Variants in TMC5 observed in about 807,000 individuals in gnomAD.
The protein encoded by TMC5 is transmembrane channel-like protein 5.
Under a neutral mutation model 110.5 loss-of-function variants are expected in TMC5, and 86 were observed. The observed-to-expected ratio is 0.78, with a 90% CI of 0.65 to 0.93. The LOEUF is 0.93. TMC5 is among the 40% of genes least tolerant of loss of function. TMC5 has a pLI of 0.00. For missense variants in TMC5, 1,144 were observed against 1,222.8 expected, an observed-to-expected ratio of 0.94 and a Z score of 0.96; for synonymous variants, 455 against 439.5, an observed-to-expected ratio of 1.04 and a Z score of -0.44.
intron 1 of TMC5, among the ~76,000 whole-genome samples, chr16:19,424,297 A>G (rs1484591062): frequency 1.3e-5 from 2 of 152,228 alleles, no homozygotes; most frequent in East Asian, 3.8e-4. Context: ...CTGTAAACCT[A>G]TAAACCATAT....
Position 19,440,610 on chromosome 16 carries a change from C to T in TMC5, c.572C>T (p.Thr191Ile). ...HPGSRKNLEH[T>I]SFRINPYADS... ...GGATCCAGAAAGAATCTGGAACATA[C>T]AAGTTTTAGAATCAATCCATACGCA... is the stretch of plus-strand genomic sequence containing the variant. The change falls in exon 3 of 22, where the codon ACA becomes ATA. Residue 191 changes from threonine (T) to isoleucine (I), a missense_variant. Transcript: ENST00000542583. 6.2e-7 allele frequency: 1 copy of T among 1,614,200 alleles called. No individual in the cohort carries two copies. Among genetic ancestry groups the T allele is most frequent in the Non-Finnish European group, 8.5e-7 (1 of 1,180,044 alleles).
intron 17 of TMC5, 36 bp downstream of exon 17, chr16:19,487,362 C>T (rs1968771821): frequency 6.2e-7 from 1 of 1,600,736 alleles, no homozygotes; most frequent in East Asian, 2.2e-5. Flanking sequence ...GTTTTAGAGA[C>T]TGGGTGGATG....
chr16:19,442,505 T>G (rs1967512453), intron 3 of TMC5, among the ~76,000 whole-genome samples: 1 of 151,856 alleles, frequency 6.6e-6, no homozygotes. Flanking sequence ...GTTTTTGTAG[T>G]TTTAGTACAG....
Position 19,498,637 on chromosome 16 carries a change from A to T in TMC5, c.*671A>T, listed in dbSNP as rs563930449. The T allele has an allele frequency of 6.6e-6, 1 of 152,148 alleles. No individual in the cohort carries two copies. Among genetic ancestry groups the T allele is most frequent in the African/African-American group, 2.4e-5 (1 of 41,416 alleles). The allele number at this position is 152,148 out of a possible 1,614,324, so 9.4% of individuals were successfully genotyped here. A position where few individuals can be genotyped will look rare whatever the true frequency, so the allele number is the denominator to read the frequency against. Reference sequence around the variant, plus strand: ...CTTTGCAGTGGCAGTACCGTAGCCAATGAGATTTATCCGAGACGCGATTAT... The same window carrying T: ...CTTTGCAGTGGCAGTACCGTAGCCATTGAGATTTATCCGAGACGCGATTAT... On this transcript the variant is annotated 3_prime_UTR_variant, in exon 22 of 22. Coordinates refer to ENST00000542583, the MANE Select transcript of TMC5 (RefSeq NM_001261841.2).
rs1380957148 is a variant in TMC5, at chr16:19,490,492, T to A, written c.2671T>A (p.Tyr891Asn). The stretch of plus-strand genomic sequence containing the variant: ...CGACACCCTAAGTACACGGCCTGGC[T>A]ACCTGTGGGTTGTTTGGATCTATCG... ...WIDTLSTRPG[Y>N]LWVVWIYRNL... is the part of the protein sequence containing the mutation. The change falls in exon 18 of 22, where the codon TAC becomes AAC. Residue 891 changes from tyrosine (Y) to asparagine (N), a missense_variant. Coordinates refer to ENST00000542583, the MANE Select transcript of TMC5 (RefSeq NM_001261841.2). 1 of 1,614,172 alleles carries A rather than the reference T, an allele frequency of 6.2e-7. No homozygotes were observed. Among genetic ancestry groups the A allele is most frequent in the South Asian group, 1.1e-5 (1 of 91,086 alleles).
chr16:19,482,411 A>T (rs2143704055), intron 15 of TMC5, among the ~76,000 whole-genome samples: 1 of 152,262 alleles, frequency 6.6e-6, no homozygotes, highest in Middle Eastern at 3.4e-3. Context: ...TAGCAGCCTG[A>T]TGGACTAACA....
chr16:19,449,032 TGTA>T (rs776019958), intron 4 of TMC5, among the ~76,000 whole-genome samples: 3 of 151,556 alleles, frequency 2.0e-5, no homozygotes, highest in African/African-American at 2.4e-5. Context: ...CTAATTTTTT[TGTA>T]TTTTTTTAGT....
intron 2 of TMC5, among the ~76,000 whole-genome samples, chr16:19,438,409 G>GAAAAAAAA (rs370741264): frequency 6.0e-5 from 3 of 50,128 alleles, no homozygotes; most frequent in South Asian, 1.2e-3. Context: ...AAAAAAAAAA[G>GAAAAAAAA]AAGAAAGAAA....
intron 4 of TMC5, among the ~76,000 whole-genome samples, chr16:19,445,491 C>T (rs888729289): frequency 6.6e-6 from 1 of 152,118 alleles, no homozygotes; most frequent in African/African-American, 2.4e-5. Flanking sequence ...ATCCTCCAGT[C>T]TCGGCCTCCC....
intron 9 of TMC5, 102 bp downstream of exon 9, chr16:19,466,335 C>T (rs1417874354): frequency 1.9e-6 from 2 of 1,049,076 alleles, no homozygotes. Flanking sequence ...CTCTGCAGTC[C>T]TCTCCTCTCC....
Position 19,497,106 on chromosome 16 carries a change from T to C in TMC5, c.2932-15T>C. On this transcript the variant is annotated splice_polypyrimidine_tract_variant and intron_variant, in intron 20 of 21. Coordinates refer to ENST00000542583, the MANE Select transcript of TMC5 (RefSeq NM_001261841.2). ...CTTCCTCCGTGACGTGGCTGCTTGT[T>C]TTTTTCTTTTTCAGCAACAAGGCTT... 4.3e-6 allele frequency: 7 copies of C among 1,613,982 alleles called. No individual in the cohort carries two copies. The highest frequency in any genetic ancestry group is 5.9e-6 in the Non-Finnish European group (7 of 1,179,970).
In TMC5 at chr16:19,499,080, A is replaced by T. The variant is rs1017108221; in HGVS notation, c.*1114A>T. 6.6e-6 allele frequency: 1 copy of T among 152,106 alleles called. No homozygotes were observed. The highest frequency in any genetic ancestry group is 2.4e-5 in the African/African-American group (1 of 41,414). 9.4% of individuals were successfully genotyped at this position (152,106 alleles called of 1,614,324 possible). ...CCTCAAAAAAATAAATAAATAAATA[A>T]ATAAAGTAAATTAAAAGTCTTATTC... is the stretch of plus-strand genomic sequence containing the variant. On this transcript the variant is annotated 3_prime_UTR_variant, in exon 22 of 22. Coordinates refer to ENST00000542583, the MANE Select transcript of TMC5 (RefSeq NM_001261841.2).
intron 8 of TMC5, among the ~76,000 whole-genome samples, chr16:19,465,103 TCCTTCCTTCCTCCCTCCCTCCCTCCCTC>T (rs1459170580): frequency 4.2e-5 from 4 of 94,762 alleles, no homozygotes; most frequent in South Asian, 3.7e-4. Context: ...CTTCCTTCCT[TCCTTCCTTCCTCCCTCCCTCCCTCCCTC>T]CCTTCCTGGA....
Position 19,426,902 on chromosome 16 carries a change from C to G in TMC5, c.-307-3511C>G, listed in dbSNP as rs191853054. ...ATCACTTGGGAAACCCGATAAAAAG[C>G]TAAATTCCCAGGTCCCACTTGAGGT... is the stretch of plus-strand genomic sequence containing the variant. On this transcript the variant is annotated intron_variant, in intron 1 of 21. Coordinates refer to ENST00000542583, the MANE Select transcript of TMC5 (RefSeq NM_001261841.2). Among the ~76,000 whole-genome samples the G allele has an allele frequency of 7.4e-3, 1,131 of 152,254 alleles. 8 individuals are homozygous for G. The highest frequency in any genetic ancestry group is 0.011 in the South Asian group (52 of 4,830).
At chr16:19,435,066 G>GT (rs1214736051) in intron 2 of TMC5, among the ~76,000 whole-genome samples, 13 of 152,184 alleles carry the variant, frequency 8.5e-5, no homozygotes, top group Admixed American at 2.6e-4. Context: ...GATTTTCTTT[G>GT]ATTTATGTAT....
rs369620044 is a variant in TMC5, at chr16:19,484,914, G to A, written c.2364-2031G>A. Among the ~76,000 whole-genome samples the A allele has an allele frequency of 2.8e-4, 43 of 151,214 alleles. 1 individual carries two copies. In the East Asian group the frequency reaches 6.6e-3, roughly 23 times the overall value. On this transcript the variant is annotated intron_variant, in intron 15 of 21. Coordinates refer to ENST00000542583, the MANE Select transcript of TMC5 (RefSeq NM_001261841.2). Reference sequence around the variant, plus strand: ...CAGTTCTAACCTTTGCGGGTTTTAGGAGAATATTGCCTTTGATGATGAGTT... The same window carrying A: ...CAGTTCTAACCTTTGCGGGTTTTAGAAGAATATTGCCTTTGATGATGAGTT...
intron 15 of TMC5, among the ~76,000 whole-genome samples, chr16:19,483,191 T>C (rs935973201): frequency 2.6e-5 from 4 of 152,172 alleles, no homozygotes; most frequent in Non-Finnish European, 5.9e-5. Flanking sequence ...AGGGTCTCAC[T>C]CTGTTGCTCA....
At chr16:19,435,584 TACACAC>T (rs143806601) in intron 2 of TMC5, among the ~76,000 whole-genome samples, 1 of 102,594 alleles carries the variant, frequency 9.7e-6, no homozygotes, top group Non-Finnish European at 2.2e-5. Context: ...GATTTTTACA[TACACAC>T]ACACACACAC....
intron 15 of TMC5, among the ~76,000 whole-genome samples, chr16:19,482,714 G>T (rs1968647178): frequency 6.6e-6 from 1 of 152,110 alleles, no homozygotes; most frequent in Non-Finnish European, 1.5e-5. Flanking sequence ...CATTTGGTGG[G>T]TTCTCTATAG....
Sources: gnomAD v4.1 joint callset for allele counts (sites outside exome capture counted in the v4.1 genomes callset) on GRCh38, gnomAD v4.1.1 for gene constraint, MANE v1.5 for transcripts, NCBI Gene and HGNC (gene_info 2026-07-23, HGNC 2026-07-21) for gene names.